EPHA6: variants seen among roughly 807,000 people sequenced by gnomAD.
EPHA6 encodes the protein EPH receptor A6.
EPHA6 carries 50 observed loss-of-function variants against 112.0 expected under a neutral mutation model. That is an observed-to-expected ratio of 0.45 (90% CI 0.36 to 0.56). EPHA6 has a LOEUF of 0.56. Ranked by LOEUF, EPHA6 falls within the 20% of genes least tolerant of loss-of-function variation. The probability of loss-of-function intolerance (pLI) is 0.00; values close to 1 mark genes in which losing one functional copy is unlikely to be tolerated. For synonymous variants in EPHA6, 529 were observed against 490.7 expected (o/e 1.08, Z -1.03); for missense variants, 1,280 against 1,417.4 (o/e 0.90, Z 1.56).
intron 3 of EPHA6, among the ~76,000 whole-genome samples, chr3:97,065,535 G>C (rs1643075627): frequency 6.6e-6 from 1 of 151,968 alleles, no homozygotes; most frequent in Non-Finnish European, 1.5e-5. Flanking sequence ...TCAACTCATT[G>C]CATATCCATT....
intron 13 of EPHA6, among the ~76,000 whole-genome samples, chr3:97,624,904 T>A (rs1365170243): frequency 6.6e-6 from 1 of 151,594 alleles, no homozygotes; most frequent in East Asian, 1.9e-4. Context: ...TATTACACCT[T>A]CATTCTGGTT....
At chr3:97,177,421 G>A (rs551930359) in intron 3 of EPHA6, among the ~76,000 whole-genome samples, 3 of 152,024 alleles carry the variant, frequency 2.0e-5, no homozygotes, top group African/African-American at 7.2e-5. Flanking sequence ...TAAGTCTGAT[G>A]TTTCCTTGTT....
intron 5 of EPHA6, among the ~76,000 whole-genome samples, chr3:97,371,439 G>A (rs529624048): frequency 6.6e-6 from 1 of 152,192 alleles, no homozygotes; most frequent in African/African-American, 2.4e-5. Flanking sequence ...AACATAAATT[G>A]TGAAGATTTC....
Position 97,748,674 on chromosome 3 carries a change from C to A in EPHA6, c.3366C>A (p.His1122Gln). The change falls in exon 18 of 18, where the codon CAC becomes CAA. Residue 1122 changes from histidine to glutamine, a missense_variant. Physicochemically the swap from His to Gln is conservative, Grantham distance 24 (BLOSUM62 0). Transcript: ENST00000389672. ...SIQTLRLHMM[H>Q]IQEKGFHV ...AGACTTTACGTTTACACATGATGCACATACAGGAGAAGGGATTTCATGTAT... is the reference window on the plus strand; with the variant it reads ...AGACTTTACGTTTACACATGATGCAAATACAGGAGAAGGGATTTCATGTAT... The A allele has an allele frequency of 6.2e-7, 1 of 1,607,850 alleles. No homozygotes were observed. Among genetic ancestry groups the A allele is most frequent in the Non-Finnish European group, 8.5e-7 (1 of 1,174,580 alleles).
At chr3:97,123,109 A>T (rs955902605) in intron 3 of EPHA6, among the ~76,000 whole-genome samples, 1 of 152,058 alleles carries the variant, frequency 6.6e-6, no homozygotes, top group Non-Finnish European at 1.5e-5. Context: ...CACTTATCCA[A>T]AGGTAAATGA....
At chr3:97,129,316 G>A (rs1270116457) in intron 3 of EPHA6, among the ~76,000 whole-genome samples, 2 of 151,844 alleles carry the variant, frequency 1.3e-5, no homozygotes, top group Admixed American at 6.6e-5. Flanking sequence ...TGGCTAACAC[G>A]GTGAAACCCT....
In EPHA6 at chr3:97,614,146, C is replaced by T. The variant is rs185688665; in HGVS notation, c.2574+3292C>T. On this transcript the variant is annotated intron_variant, in intron 13 of 17. Transcript: ENST00000389672. ...TTATTATACTTTAAGTTTTAGGGTA[C>T]ATGTGCTTATAGAATACTTTAACTT... Among the ~76,000 whole-genome samples, 943 of 151,946 alleles carry T rather than the reference C, an allele frequency of 6.2e-3. 8 individuals are homozygous for T. The highest frequency in any genetic ancestry group is 7.1e-3 in the Non-Finnish European group (481 of 67,972).
intron 2 of EPHA6, among the ~76,000 whole-genome samples, chr3:96,907,514 A>C (rs1338835479): frequency 1.3e-5 from 2 of 151,654 alleles, no homozygotes; most frequent in African/African-American, 4.8e-5. Flanking sequence ...ATTATTTATA[A>C]TTGCCTTAGT....
intron 3 of EPHA6, among the ~76,000 whole-genome samples, chr3:97,179,747 C>G (rs1168046943): frequency 1.3e-5 from 2 of 151,276 alleles, no homozygotes; most frequent in Non-Finnish European, 2.9e-5. Context: ...CTCTCTCTCT[C>G]TCTCTCTCTC....
chr3:97,723,117 T>C (rs921560906), intron 15 of EPHA6, among the ~76,000 whole-genome samples: 4 of 152,216 alleles, frequency 2.6e-5, no homozygotes, highest in South Asian at 2.1e-4. Flanking sequence ...ATAATATTCT[T>C]TTCTGATGTT....
intron 10 of EPHA6, among the ~76,000 whole-genome samples, chr3:97,506,647 A>G (rs1419268499): frequency 6.6e-6 from 1 of 152,054 alleles, no homozygotes; most frequent in Non-Finnish European, 1.5e-5. Context: ...TTTGGTTAGG[A>G]TTGTCTTGGC....
intron 3 of EPHA6, among the ~76,000 whole-genome samples, chr3:97,174,677 T>C (rs1029050231): frequency 6.6e-6 from 1 of 151,916 alleles, no homozygotes. Context: ...TCTATACCTG[T>C]TTGCCATGTG....
chr3:96,913,829 CTCTTT>C lies in EPHA6; in HGVS notation c.450+46945_450+46949del, dbSNP rs549686062. Among the ~76,000 whole-genome samples, 34 of 152,188 alleles carry C rather than the reference CTCTTT, an allele frequency of 2.2e-4. No homozygotes were observed. The East Asian group carries it at 6.6e-3, about 29-fold the overall frequency. On this transcript the variant is annotated intron_variant, in intron 2 of 17. Transcript: ENST00000389672. The stretch of plus-strand genomic sequence containing the variant: ...CAAAAAAATCACTATTGATTTTAAC[CTCTTT>C]TCTTCTCATTGTTTCCTTTCTGAAT...
chr3:97,750,310 T>A lies in EPHA6; in HGVS notation c.*1609T>A, dbSNP rs1054655556. Among the ~76,000 whole-genome samples the A allele has an allele frequency of 5.4e-5, 8 of 149,156 alleles. No homozygotes were observed. In the South Asian group the frequency reaches 1.1e-3, roughly 20 times the overall value. On this transcript the variant is annotated 3_prime_UTR_variant, in exon 18 of 18. Coordinates refer to ENST00000389672, the MANE Select transcript of EPHA6 (RefSeq NM_001080448.3). The stretch of plus-strand genomic sequence containing the variant: ...TGTCATAGTAGTGGTTTTTTTTTTT[T>A]AAATAAAGGACCCTGTTTTTGTTTT...
chr3:97,387,418 C>T (rs1017466596), intron 5 of EPHA6, among the ~76,000 whole-genome samples: 2 of 151,770 alleles, frequency 1.3e-5, no homozygotes, highest in African/African-American at 4.9e-5. Flanking sequence ...CTTCAAATAC[C>T]CCTAAATCAT....
At chr3:97,525,912 G>A (rs949944897) in intron 10 of EPHA6, among the ~76,000 whole-genome samples, 2 of 152,160 alleles carry the variant, frequency 1.3e-5, no homozygotes, top group African/African-American at 4.8e-5. Context: ...TGCAATGATG[G>A]ATATGGCTTC....
intron 11 of EPHA6, among the ~76,000 whole-genome samples, chr3:97,583,929 G>A (rs759654018): frequency 7.9e-5 from 12 of 152,086 alleles, no homozygotes; most frequent in African/African-American, 1.7e-4. Context: ...AAGTTCACTC[G>A]ACCCTTCCAT....
intron 3 of EPHA6, among the ~76,000 whole-genome samples, chr3:97,214,985 T>C (rs2077991757): frequency 6.6e-6 from 1 of 152,230 alleles, no homozygotes. Flanking sequence ...AATGCTATTA[T>C]TTTGAGAAAT....
intron 5 of EPHA6, 77 bp from the exon 6 acceptor site, chr3:97,405,073 G>A: frequency 6.8e-7 from 1 of 1,473,664 alleles, no homozygotes; most frequent in East Asian, 2.5e-5. Context: ...ATTTTCCTTG[G>A]AAGAGAAAAT....
Sources: gnomAD v4.1 joint callset for allele counts (sites outside exome capture counted in the v4.1 genomes callset) on GRCh38, gnomAD v4.1.1 for gene constraint, MANE v1.5 for transcripts, NCBI Gene and HGNC (gene_info 2026-07-23, HGNC 2026-07-21) for gene names.